Variants in TELO2 observed in about 807,000 individuals in gnomAD.
TELO2 encodes telomere length regulation protein TEL2 homolog.
In TELO2, 71 loss-of-function variants were observed where a neutral mutation model predicts 91.0. The ratio of observed to expected loss-of-function variants is 0.78; its 90% CI spans 0.64 to 0.95. TELO2 has a LOEUF of 0.95. Ranked by LOEUF, TELO2 falls within the 40% of genes least tolerant of loss-of-function variation. The pLI, the probability that TELO2 is intolerant of heterozygous loss-of-function variation, is 0.00. For synonymous variants in TELO2, 584 were observed against 518.9 expected, an observed-to-expected ratio of 1.13 and a Z score of -1.71; for missense variants, 1,183 against 1,141.3, an observed-to-expected ratio of 1.04 and a Z score of -0.53.
chr16:1,501,150 G>T (rs912030297), intron 9 of TELO2, among the ~76,000 whole-genome samples: 1 of 152,240 alleles, frequency 6.6e-6, no homozygotes. Context: ...GAGAACCTGG[G>T]ATCTCTCTGG....
chr16:1,496,907 C>T, intron 3 of TELO2, 129 bp from the exon 4 acceptor site: 1 of 846,522 alleles, frequency 1.2e-6, no homozygotes, highest in Admixed American at 2.2e-5. Context: ...TGATGGGCAC[C>T]AGCCGTTGTT....
At position 1,500,404 on chromosome 16, in the gene TELO2, C is replaced by G. The variant is rs766666045; in HGVS notation, c.1060C>G (p.Leu354Val). Residue 354 changes from leucine to valine, a missense_variant, in exon 8 of 21, where the codon CTG (leucine) becomes GTG (valine). Leu to Val is a conservative substitution (Grantham distance 32). Coordinates refer to ENST00000262319, the MANE Select transcript of TELO2 (RefSeq NM_016111.4). ...CAGCAGTGCCATCCGCCACACTCCC[C>G]TGCCGCAGCAGCGCCACGTCAGCAA... ...GSSSAIRHTP[L>V]PQQRHVSKAV... 2 of 1,602,810 alleles carry G rather than the reference C, an allele frequency of 1.2e-6. No homozygotes were observed. The highest frequency in any genetic ancestry group is 1.7e-6 in the Non-Finnish European group (2 of 1,176,146).
chr16:1,509,735 G>GC, intron 20 of TELO2, 95 bp from the exon 21 acceptor site: 1 of 1,179,054 alleles, frequency 8.5e-7, no homozygotes, highest in Non-Finnish European at 1.2e-6. Flanking sequence ...ATGGAGTCAG[G>GC]CCTGGCGGGG....
In TELO2 at chr16:1,495,574, C is replaced by G; in HGVS notation, c.564C>G (p.Leu188=). 2 of 1,609,778 alleles carry G rather than the reference C, an allele frequency of 1.2e-6. No individual in the cohort carries two copies. Among genetic ancestry groups the G allele is most frequent in the Non-Finnish European group, 1.7e-6 (2 of 1,177,932 alleles). ...EFFPQNYFRL[L]GEEVVRVLQA... ...TCCCCCAGAACTACTTCCGCCTGCT[C>G]GGCGAGGAGGTCGTCCGGGTGCTGC... is the stretch of plus-strand genomic sequence containing the variant. Residue 188 remains leucine, a synonymous_variant, in exon 3 of 21, where the codon CTC becomes CTG. Coordinates refer to ENST00000262319, the MANE Select transcript of TELO2 (RefSeq NM_016111.4).
At position 1,505,540 on chromosome 16, in the gene TELO2, C is replaced by T. The variant is rs147858841; in HGVS notation, c.1973C>T (p.Ala658Val). ...GTCTCTCAGCCTGGCAGTGCCGTGG[C>T]GTCTGACTGGCGGGTGGTGGTGGAG... ...AAVSQPGSAV[A>V]SDWRVVVEER... is the part of the protein sequence containing the mutation. Residue 658 changes from alanine (A) to valine (V), a missense_variant, in exon 16 of 21, where the codon GCG becomes GTG. Physicochemically the swap from Ala to Val is moderately conservative, Grantham distance 64. Coordinates refer to ENST00000262319, the MANE Select transcript of TELO2 (RefSeq NM_016111.4). This position sits in a 1 kb window ranked among gnomAD's most constrained non-coding sequence, Gnocchi z 4.3. 3.1e-4 allele frequency: 499 copies of T among 1,612,654 alleles called. No individual in the cohort carries two copies. Among genetic ancestry groups the T allele is most frequent in the Non-Finnish European group, 3.9e-4 (460 of 1,179,738 alleles).
intron 11 of TELO2, 129 bp from the exon 12 acceptor site, chr16:1,501,918 G>C: frequency 6.8e-7 from 1 of 1,468,608 alleles, no homozygotes; most frequent in Non-Finnish European, 9.4e-7. Flanking sequence ...GCAGCTCCCA[G>C]CTCCACCGTA....
intron 9 of TELO2, 98 bp downstream of exon 9, chr16:1,500,797 C>T (rs1475615815): frequency 6.6e-7 from 1 of 1,520,210 alleles, no homozygotes; most frequent in East Asian, 2.3e-5. Flanking sequence ...TCCCGGGGTC[C>T]AGACTTGCGG....
Position 1,502,321 on chromosome 16 carries a change from A to G in TELO2, c.1570A>G (p.Thr524Ala). The G allele has an allele frequency of 6.2e-7, 1 of 1,604,792 alleles. No individual in the cohort carries two copies. Among genetic ancestry groups the G allele is most frequent in the Non-Finnish European group, 8.5e-7 (1 of 1,177,226 alleles). The change falls in exon 13 of 21, where the codon ACG becomes GCG. Residue 524 changes from threonine (T) to alanine (A), a missense_variant. Coordinates refer to ENST00000262319, the MANE Select transcript of TELO2 (RefSeq NM_016111.4). ...CTCTGGGTTCTGTGCAGCCCTGACC[A>G]CGTCTGAGGACATAGAGCGCTGGGA... ...YVRDCVEALTTSEDIERWEAA... is the reference protein window; with the variant it reads ...YVRDCVEALTASEDIERWEAA...
At chr16:1,498,198 A>G (rs1487424829) in intron 5 of TELO2, among the ~76,000 whole-genome samples, 1 of 151,894 alleles carries the variant, frequency 6.6e-6, no homozygotes, top group African/African-American at 2.4e-5. Flanking sequence ...TATTTTTAGT[A>G]TAGACGGGGT....
chr16:1,503,027 C>T, intron 15 of TELO2, 25 bp downstream of exon 15: 1 of 1,607,110 alleles, frequency 6.2e-7, no homozygotes, highest in Non-Finnish European at 8.5e-7. Context: ...GGCCTCAGTC[C>T]CCCTGGTCTG....
intron 3 of TELO2, among the ~76,000 whole-genome samples, chr16:1,496,735 G>A (rs1179186645): frequency 2.6e-5 from 4 of 152,186 alleles, no homozygotes; most frequent in African/African-American, 4.8e-5. Context: ...CAACTTGGCC[G>A]GGCCCTATCG....
In TELO2 at chr16:1,500,642, C is replaced by G. The variant is rs374838440; in HGVS notation, c.1224C>G (p.Ile408Met). 6.2e-7 allele frequency: 1 copy of G among 1,612,452 alleles called. No individual in the cohort carries two copies. Among genetic ancestry groups the G allele is most frequent in the African/African-American group, 1.3e-5 (1 of 74,906 alleles). ...CCCCCGTGCGACGCCTGGGCATGAT[C>G]GTGGCAGAGGTCGTTAGTGCCCGGA... ...SLPPVRRLGM[I>M]VAEVVSARIH... Residue 408 changes from isoleucine to methionine, a missense_variant, in exon 9 of 21, where the codon ATC becomes ATG. By Grantham distance (10) the Ile-to-Met change is conservative. Transcript: ENST00000262319.
chr16:1,509,750 T>C, intron 20 of TELO2, 80 bp from the exon 21 acceptor site: 2 of 1,364,542 alleles, frequency 1.5e-6, no homozygotes, highest in South Asian at 1.3e-5. Flanking sequence ...GCGGGGCTGG[T>C]TCAGGCAGAC....
intron 9 of TELO2, 119 bp from the exon 10 acceptor site, chr16:1,501,301 G>C (rs1328353457): frequency 1.9e-6 from 2 of 1,075,296 alleles, no homozygotes; most frequent in African/African-American, 3.2e-5. Context: ...CCAGGGCCCA[G>C]CCACTGAGTG....
chr16:1,505,639 A>G lies in TELO2; in HGVS notation c.2034+38A>G. The stretch of plus-strand genomic sequence containing the variant: ...TGGTCAGCTCCTCACGGGCATGGGG[A>G]CCGTGGGTGGGTGGGAAGGGCGGTC... On this transcript the variant is annotated intron_variant, in intron 16 of 20. Transcript: ENST00000262319. This position sits in a 1 kb window ranked among gnomAD's most constrained non-coding sequence, Gnocchi z 4.3. 14 of 981,290 alleles carry G rather than the reference A, an allele frequency of 1.4e-5. No individual in the cohort carries two copies. Among genetic ancestry groups the G allele is most frequent in the East Asian group, 3.0e-5 (1 of 33,684 alleles). The allele number at this position is 981,290 out of a possible 1,614,324, so 60.8% of individuals were successfully genotyped here.
At chr16:1,508,732 C>T (rs2040000309) in intron 20 of TELO2, among the ~76,000 whole-genome samples, 1 of 152,212 alleles carries the variant, frequency 6.6e-6, no homozygotes, top group African/African-American at 2.4e-5. Flanking sequence ...CGGGTGTTTC[C>T]CATGGGGAGT....
Position 1,502,322 on chromosome 16 carries a change from C to T in TELO2, c.1571C>T (p.Thr524Met), listed in dbSNP as rs754030851. ...YVRDCVEALT[T>M]SEDIERWEAA... ...TCTGGGTTCTGTGCAGCCCTGACCA[C>T]GTCTGAGGACATAGAGCGCTGGGAG... The change falls in exon 13 of 21, where the codon ACG (threonine) becomes ATG (methionine). Residue 524 changes from threonine (T) to methionine (M), a missense_variant. By Grantham distance (81) the Thr-to-Met change is moderately conservative. Transcript: ENST00000262319. 25 of 1,605,024 alleles carry T rather than the reference C, an allele frequency of 1.6e-5. No homozygotes were observed. The highest frequency in any genetic ancestry group is 1.2e-4 in the South Asian group (11 of 89,698).
At chr16:1,509,168 C>G (rs556198314) in intron 20 of TELO2, among the ~76,000 whole-genome samples, 1 of 152,316 alleles carries the variant, frequency 6.6e-6, no homozygotes, top group African/African-American at 2.4e-5. Context: ...GGGCCTGAAG[C>G]ACCAGGAGGA....
intron 15 of TELO2, among the ~76,000 whole-genome samples, chr16:1,503,489 C>T (rs1220474652): frequency 5.3e-5 from 8 of 152,028 alleles, no homozygotes; most frequent in Non-Finnish European, 8.8e-5. Flanking sequence ...AGGTGGAGGC[C>T]GCAGTGGAGC....
Sources: allele counts gnomAD v4.1 joint callset (sites outside exome capture counted in the v4.1 genomes callset), GRCh38; gene constraint gnomAD v4.1.1; non-coding constraint Gnocchi (gnomAD v3.1); transcripts MANE v1.5; gene names NCBI Gene and HGNC (gene_info 2026-07-23, HGNC 2026-07-21).